Variants in WWC2 observed in about 807,000 individuals in gnomAD.
WWC2 encodes WW and C2 domain containing 2.
A neutral mutation model predicts 138.5 loss-of-function variants in WWC2; 101 were observed. That is an observed-to-expected ratio of 0.73 (90% CI 0.62 to 0.86). The LOEUF (loss-of-function observed/expected upper bound fraction) is 0.86, where lower values mean the gene tolerates loss of function less well. Ranked by LOEUF, WWC2 falls within the 40% of genes least tolerant of loss-of-function variation. WWC2 has a pLI of 0.00. For synonymous variants in WWC2, 558 were observed against 538.4 expected, an observed-to-expected ratio of 1.04 and a Z score of -0.50; for missense variants, 1,420 against 1,419.4, an observed-to-expected ratio of 1.00 and a Z score of -0.01.
At chr4:183,155,973 G>A (rs1733791164) in intron 1 of WWC2, among the ~76,000 whole-genome samples, 1 of 152,076 alleles carries the variant, frequency 6.6e-6, no homozygotes, top group Admixed American at 6.6e-5. Flanking sequence ...AAGATGATGT[G>A]ATGATGTCAC....
At chr4:183,244,582 T>TAG (rs1464451619) in intron 5 of WWC2, among the ~76,000 whole-genome samples, 1,926 of 149,674 alleles carry the variant, frequency 0.013, 55 homozygotes, top group African/African-American at 0.045. Flanking sequence ...TATATATATA[T>TAG]ATAGAGAGAG....
intron 4 of WWC2, among the ~76,000 whole-genome samples, chr4:183,216,261 C>G (rs1200397443): frequency 6.6e-6 from 1 of 152,162 alleles, no homozygotes; most frequent in Admixed American, 6.5e-5. Flanking sequence ...GGGTGGTAGA[C>G]ATAATACTCT....
At chr4:183,161,846 T>A (rs1733968638) in intron 1 of WWC2, among the ~76,000 whole-genome samples, 1 of 152,156 alleles carries the variant, frequency 6.6e-6, no homozygotes, top group East Asian at 1.9e-4. Context: ...AACCACACAT[T>A]TCTCAGAATA....
intron 16 of WWC2, 62 bp downstream of exon 16, chr4:183,271,303 T>C: frequency 7.4e-7 from 1 of 1,343,306 alleles, no homozygotes; most frequent in Non-Finnish European, 9.9e-7. Context: ...AATACATATA[T>C]GAAAGTAATA....
At chr4:183,226,166 G>A (rs7665383) in intron 4 of WWC2, among the ~76,000 whole-genome samples, 8,218 of 148,276 alleles carry the variant, frequency 0.055, 773 homozygotes, top group African/African-American at 0.2. Context: ...GTGGAATCAC[G>A]GCTCGCTGCA....
In WWC2 at chr4:183,315,990, G is replaced by A. The variant is rs140334882; in HGVS notation, c.*261G>A. On this transcript the variant is annotated 3_prime_UTR_variant, in exon 23 of 23. Coordinates refer to ENST00000403733, the MANE Select transcript of WWC2 (RefSeq NM_024949.6). Reference sequence around the variant, plus strand: ...TACACAAATGTTGCCCAGTATGTGCGCATTGCCAGTGGACTTCATTTTGTA... The same window carrying A: ...TACACAAATGTTGCCCAGTATGTGCACATTGCCAGTGGACTTCATTTTGTA... The A allele has an allele frequency of 2.9e-5, 10 of 346,616 alleles. No homozygotes were observed. The highest frequency in any genetic ancestry group is 9.0e-5 in the Admixed American group (2 of 22,304). 21.5% of individuals were successfully genotyped at this position (346,616 alleles called of 1,614,324 possible). A position where few individuals can be genotyped will look rare whatever the true frequency, so the allele number is the denominator to read the frequency against.
intron 17 of WWC2, 36 bp from the exon 18 acceptor site, chr4:183,282,672 G>A: frequency 6.5e-7 from 1 of 1,548,922 alleles, no homozygotes; most frequent in Non-Finnish European, 8.7e-7. Flanking sequence ...GAGCATGCCT[G>A]CCTACCAAAA....
chr4:183,156,306 G>A (rs1008962550), intron 1 of WWC2, among the ~76,000 whole-genome samples: 38 of 150,818 alleles, frequency 2.5e-4, no homozygotes, highest in Admixed American at 1.6e-3. Flanking sequence ...GATTACAGGC[G>A]TGAGCCACCA....
intron 6 of WWC2, among the ~76,000 whole-genome samples, chr4:183,246,388 A>G (rs1736781526): frequency 6.6e-6 from 1 of 152,220 alleles, no homozygotes; most frequent in South Asian, 2.1e-4. Context: ...TCTCAATAGA[A>G]CATCTACATT....
chr4:183,111,960 A>G (rs1162499976), intron 1 of WWC2, among the ~76,000 whole-genome samples: 1 of 152,072 alleles, frequency 6.6e-6, no homozygotes, highest in Non-Finnish European at 1.5e-5. Flanking sequence ...GGCCTCCCAA[A>G]GTGCTGGGAT....
At chr4:183,256,068 A>T (rs1420684157) in intron 9 of WWC2, among the ~76,000 whole-genome samples, 1 of 152,096 alleles carries the variant, frequency 6.6e-6, no homozygotes, top group Non-Finnish European at 1.5e-5. Context: ...CCATGATTGG[A>T]TGTTAGCAGG....
intron 21 of WWC2, among the ~76,000 whole-genome samples, chr4:183,298,401 G>T (rs1738711025): frequency 6.6e-6 from 1 of 152,136 alleles, no homozygotes; most frequent in African/African-American, 2.4e-5. Flanking sequence ...GATACCCAGG[G>T]AAAGAGCCAT....
intron 4 of WWC2, among the ~76,000 whole-genome samples, chr4:183,220,849 A>G (rs1439028918): frequency 6.6e-6 from 1 of 152,100 alleles, no homozygotes; most frequent in African/African-American, 2.4e-5. Flanking sequence ...GAAAAAAAAA[A>G]AAAAGGTAAC....
intron 4 of WWC2, among the ~76,000 whole-genome samples, chr4:183,229,156 C>G (rs572575871): frequency 6.6e-6 from 1 of 152,148 alleles, no homozygotes; most frequent in African/African-American, 2.4e-5. Context: ...GTTGCTACTT[C>G]GAGGACACTC....
At chr4:183,150,761 T>C (rs1252319591) in intron 1 of WWC2, among the ~76,000 whole-genome samples, 1 of 152,088 alleles carries the variant, frequency 6.6e-6, no homozygotes, top group Non-Finnish European at 1.5e-5. Flanking sequence ...TTCCCACCTA[T>C]GAGTGAGAAC....
intron 1 of WWC2, among the ~76,000 whole-genome samples, chr4:183,135,627 GTTTGT>G (rs1453085725): frequency 6.6e-6 from 1 of 152,066 alleles, no homozygotes; most frequent in East Asian, 1.9e-4. Flanking sequence ...TATGTAGTAT[GTTTGT>G]TTAATTCACT....
In WWC2 at chr4:183,197,605, G is replaced by T. The variant is rs758491384; in HGVS notation, c.241+3897G>T. 2.0e-5 allele frequency among the ~76,000 whole-genome samples: 3 copies of T among 152,300 alleles called. No homozygotes were observed. The East Asian group carries it at 5.8e-4, about 29-fold the overall frequency. On this transcript the variant is annotated intron_variant, in intron 2 of 22. Transcript: ENST00000403733. ...TCCAGTGGGTATATGTGGAGTGGGGGTGTAGATATCAGTGAGGGATGTTTG... is the reference window on the plus strand; with the variant it reads ...TCCAGTGGGTATATGTGGAGTGGGGTTGTAGATATCAGTGAGGGATGTTTG...
At chr4:183,309,380 C>G (rs951273704) in intron 21 of WWC2, among the ~76,000 whole-genome samples, 3 of 152,190 alleles carry the variant, frequency 2.0e-5, no homozygotes, top group African/African-American at 7.2e-5. Context: ...ACTCTTAAAA[C>G]TCAACAATAC....
intron 1 of WWC2, among the ~76,000 whole-genome samples, chr4:183,111,183 T>C (rs1440536086): frequency 6.6e-6 from 1 of 152,136 alleles, no homozygotes; most frequent in Non-Finnish European, 1.5e-5. Flanking sequence ...GAGCTTGCAG[T>C]GAGCGGAGAT....
Sources: allele counts gnomAD v4.1 joint callset (sites outside exome capture counted in the v4.1 genomes callset), GRCh38; gene constraint gnomAD v4.1.1; transcripts MANE v1.5; gene names NCBI Gene and HGNC (gene_info 2026-07-23, HGNC 2026-07-21).